SLC38A8: variants seen among roughly 807,000 people sequenced by gnomAD.
SLC38A8 encodes solute carrier family 38 member 8, also known as amino acid transporter SLC38A8.
SLC38A8 carries 65 observed loss-of-function variants against 46.0 expected under a neutral mutation model. The observed-to-expected ratio is 1.41, with a 90% confidence interval of 1.16 to 1.74. SLC38A8 has a LOEUF of 1.74. SLC38A8 is among the 40% of genes most tolerant of loss of function. The pLI is 0.00. For synonymous variants in SLC38A8, 447 were observed against 243.7 expected (o/e 1.83, Z -7.77); for missense variants, 998 against 567.9 (o/e 1.76, Z -7.70).
rs111780644 is a variant in SLC38A8 at position 84,024,433 on chromosome 16, C to A, written c.691-1544G>T. 7.8e-3 allele frequency among the ~76,000 whole-genome samples: 1,192 copies of A among 152,208 alleles called. 14 individuals carry two copies. Among genetic ancestry groups the A allele is most frequent in the African/African-American group, 0.028 (1,144 of 41,538 alleles). On this transcript the variant is annotated intron_variant, in intron 6 of 10. Coordinates refer to ENST00000299709, the MANE Select transcript of SLC38A8 (RefSeq NM_001080442.3). ...AGTTCAAGCGACCCTCCTGCTTTGG[C>A]CTCCCTAAGTGCTGAGATTACAAGT...
chr16:84,018,235 T>A (rs1453252133), intron 7 of SLC38A8, among the ~76,000 whole-genome samples: 2 of 137,790 alleles, frequency 1.5e-5, no homozygotes, highest in Non-Finnish European at 1.6e-5. Flanking sequence ...TTTTTTTTTT[T>A]TTTTTTTTTT....
chr16:84,020,928 T>A (rs543863969), intron 7 of SLC38A8, among the ~76,000 whole-genome samples: 37 of 152,356 alleles, frequency 2.4e-4, no homozygotes, highest in Admixed American at 5.2e-4. Flanking sequence ...GGTTCTCTTT[T>A]GATGATCAAT....
intron 9 of SLC38A8, among the ~76,000 whole-genome samples, chr16:84,014,612 G>A (rs2085002898): frequency 6.6e-6 from 1 of 152,166 alleles, no homozygotes; most frequent in Admixed American, 6.5e-5. Context: ...TCACCTCTGA[G>A]AGCTCTGGGC....
At position 84,017,265 on chromosome 16, in the gene SLC38A8, A is replaced by C. The variant is rs144154858; in HGVS notation, c.828T>G (p.Phe276Leu). The C allele has an allele frequency of 1.2e-6, 2 of 1,614,134 alleles. No individual in the cohort carries two copies. Among genetic ancestry groups the C allele is most frequent in the African/African-American group, 2.7e-5 (2 of 75,044 alleles). Reference sequence around the variant, plus strand: ...AGACGTCAGCAGAAACTTCTGTCCCAAAAGTCAGGAAGCCATAAACCCCTG... The same window carrying C: ...AGACGTCAGCAGAAACTTCTGTCCCCAAAGTCAGGAAGCCATAAACCCCTG... ...SLTGVYGFLT[F>L]GTEVSADVLM... The change falls in exon 8 of 11, where the codon TTT (phenylalanine) becomes TTG (leucine). Residue 276 changes from phenylalanine (F) to leucine (L), a missense_variant. Coordinates refer to ENST00000299709, the MANE Select transcript of SLC38A8 (RefSeq NM_001080442.3).
intron 9 of SLC38A8, among the ~76,000 whole-genome samples, chr16:84,015,464 A>T (rs977351472): frequency 6.6e-6 from 1 of 151,950 alleles, no homozygotes; most frequent in South Asian, 2.1e-4. Context: ...TTTCACATAT[A>T]CGATTTTCTT....
chr16:84,011,129 G>A lies in SLC38A8; in HGVS notation c.1215-1252C>T, dbSNP rs868467307. ...CAGCATCTCAGCACGGCTGTTCAGC[G>A]CCATAAACATCCATTCATCTGTGCG... On this transcript the variant is annotated intron_variant, in intron 10 of 10. Transcript: ENST00000299709. Among the ~76,000 whole-genome samples the A allele has an allele frequency of 2.0e-4, 30 of 152,328 alleles. No individual in the cohort carries two copies. The Middle Eastern group carries it at 0.01, about 52-fold the overall frequency.
chr16:84,011,567 G>A (rs941117973), intron 10 of SLC38A8, among the ~76,000 whole-genome samples: 14 of 152,210 alleles, frequency 9.2e-5, no homozygotes, highest in South Asian at 4.1e-4. Context: ...TATCTGGGAT[G>A]GGGTGAAGGG....
intron 9 of SLC38A8, among the ~76,000 whole-genome samples, chr16:84,013,325 C>CA (rs2084976481): frequency 6.6e-6 from 1 of 152,116 alleles, no homozygotes; most frequent in Admixed American, 6.6e-5. Context: ...CATGCCCCCC[C>CA]ACAGCAGAGT....
At chr16:84,035,565 A>T (rs1039418609) in intron 3 of SLC38A8, among the ~76,000 whole-genome samples, 1 of 152,236 alleles carries the variant, frequency 6.6e-6, no homozygotes, top group African/African-American at 2.4e-5. Flanking sequence ...ATCCCAAGCC[A>T]TTCTCAGGCT....
intron 2 of SLC38A8, among the ~76,000 whole-genome samples, chr16:84,038,409 C>T (rs927615081): frequency 3.3e-5 from 5 of 152,160 alleles, no homozygotes; most frequent in African/African-American, 9.7e-5. Flanking sequence ...GGTTGCTATA[C>T]TTGCTTTGAC....
intron 10 of SLC38A8, among the ~76,000 whole-genome samples, chr16:84,012,707 G>A (rs1438349548): frequency 1.3e-5 from 2 of 152,212 alleles, no homozygotes; most frequent in Admixed American, 6.5e-5. Flanking sequence ...TAACAAAGGA[G>A]GGTACAGATG....
At chr16:84,016,759 C>A in intron 8 of SLC38A8, 32 bp from the exon 9 acceptor site, 1 of 1,597,164 alleles carries the variant, frequency 6.3e-7, no homozygotes, top group Non-Finnish European at 8.5e-7. Context: ...GACACATGGG[C>A]ATCTCAGGGG....
chr16:84,041,878 G>A (rs192179071), intron 2 of SLC38A8, 91 bp downstream of exon 2: 11 of 1,180,076 alleles, frequency 9.3e-6, no homozygotes, highest in African/African-American at 9.2e-5. Flanking sequence ...TACAGGACAC[G>A]CAACTCCGCA....
At chr16:84,031,090 G>C (rs755180242) in intron 5 of SLC38A8, among the ~76,000 whole-genome samples, 1 of 152,088 alleles carries the variant, frequency 6.6e-6, no homozygotes, top group Non-Finnish European at 1.5e-5. Flanking sequence ...GCCCAGGCTG[G>C]AGTGCAGTGG....
chr16:84,042,838 C>G (rs909391388), upstream of SLC38A8, among the ~76,000 whole-genome samples: 1 of 151,680 alleles, frequency 6.6e-6, no homozygotes, highest in Non-Finnish European at 1.5e-5. Flanking sequence ...GCTTAAGACT[C>G]CCGCCTCTCC....
At chr16:84,042,803 G>C (rs1424504507), upstream of SLC38A8, among the ~76,000 whole-genome samples, 1 of 152,196 alleles carries the variant, frequency 6.6e-6, no homozygotes, top group Non-Finnish European at 1.5e-5. Context: ...TGCAGCTTTT[G>C]AGACTTCTGA....
At chr16:84,037,877 C>T (rs557880889) in intron 2 of SLC38A8, among the ~76,000 whole-genome samples, 5 of 144,822 alleles carry the variant, frequency 3.5e-5, no homozygotes, top group East Asian at 4.3e-4. Flanking sequence ...GGCACGACCT[C>T]GGCTCATTGC....
chr16:84,017,162 G>C lies in SLC38A8; in HGVS notation c.931C>G (p.Pro311Ala), dbSNP rs753110165. The C allele has an allele frequency of 1.2e-6, 2 of 1,614,060 alleles. No individual in the cohort carries two copies. The highest frequency in any genetic ancestry group is 3.3e-5 in the Admixed American group (2 of 60,010). ...LFAVSIVTVY[P>A]IVLFLGRSVM... ...CACCTCCCCAGGAAGAGCACGATGG[G>C]GTAGACAGTTACGATGGAGACAGCA... Residue 311 changes from proline (P) to alanine (A), a missense_variant, in exon 8 of 11, where the codon CCC (proline) becomes GCC (alanine). By Grantham distance (27) the Pro-to-Ala change is conservative. Coordinates refer to ENST00000299709, the MANE Select transcript of SLC38A8 (RefSeq NM_001080442.3).
Position 84,036,796 on chromosome 16 carries a change from A to G in SLC38A8, c.294T>C (p.Pro98=). The change falls in exon 3 of 11, where the codon CCT becomes CCC. Residue 98 remains proline, a synonymous_variant. Coordinates refer to ENST00000299709, the MANE Select transcript of SLC38A8 (RefSeq NM_001080442.3). ...YQGVVRGLCG[P]AIGKLCEACF... ...AGGCCTCACACAGCTTCCCAATGGC[A>G]GGGCCACACAGCCCCCTGACCACAC... is the stretch of plus-strand genomic sequence containing the variant. 1.2e-6 allele frequency: 2 copies of G among 1,614,122 alleles called. No individual in the cohort carries two copies. The highest frequency in any genetic ancestry group is 8.5e-7 in the Non-Finnish European group (1 of 1,180,010).
Sources: allele counts gnomAD v4.1 joint callset (sites outside exome capture counted in the v4.1 genomes callset), GRCh38; gene constraint gnomAD v4.1.1; transcripts MANE v1.5; gene names NCBI Gene and HGNC (gene_info 2026-07-23, HGNC 2026-07-21).